EYS: variants seen among roughly 807,000 people sequenced by gnomAD.
The protein encoded by EYS is EGF-like photoreceptor maintenance factor.
A neutral mutation model predicts 282.1 loss-of-function variants in EYS; 250 were observed. That is an observed-to-expected ratio of 0.89 (90% CI 0.80 to 0.98). The LOEUF is 0.98. Ranked by LOEUF, EYS falls within the 50% of genes least tolerant of loss-of-function variation. The pLI, the probability that EYS is intolerant of heterozygous loss-of-function variation, is 0.00. For synonymous variants in EYS, 1,355 were observed against 1,282.9 expected (o/e 1.06, Z -1.20); for missense variants, 4,016 against 3,709.0 (o/e 1.08, Z -2.15).
At chr6:65,040,634 T>C (rs935651353) in intron 13 of EYS, among the ~76,000 whole-genome samples, 6 of 151,654 alleles carry the variant, frequency 4.0e-5, no homozygotes, top group Non-Finnish European at 7.4e-5. Context: ...GATGCCTCTT[T>C]TATTCCTCCA....
At chr6:65,407,709 G>A (rs1220975900) in intron 5 of EYS, among the ~76,000 whole-genome samples, 1 of 151,306 alleles carries the variant, frequency 6.6e-6, no homozygotes, top group African/African-American at 2.4e-5. Flanking sequence ...TGTGAATAAA[G>A]ACAGTTTTAC....
At chr6:64,596,653 C>T (rs1766596289) in intron 24 of EYS, among the ~76,000 whole-genome samples, 2 of 152,044 alleles carry the variant, frequency 1.3e-5, no homozygotes, top group Non-Finnish European at 2.9e-5. Flanking sequence ...ACTGGATACT[C>T]ATATGAAGAA....
intron 14 of EYS, among the ~76,000 whole-genome samples, chr6:64,976,849 G>A (rs1344825597): frequency 1.3e-5 from 2 of 151,504 alleles, no homozygotes; most frequent in Non-Finnish European, 2.9e-5. Flanking sequence ...GCAAAGGGAA[G>A]GTTTGTGGGA....
intron 29 of EYS, among the ~76,000 whole-genome samples, chr6:64,339,361 A>T (rs1252047550): frequency 6.6e-6 from 1 of 152,028 alleles, no homozygotes; most frequent in Non-Finnish European, 1.5e-5. Flanking sequence ...ATAAATGGCC[A>T]ACAAACATGA....
At chr6:63,880,730 C>A (rs1004158247) in intron 35 of EYS, among the ~76,000 whole-genome samples, 3 of 152,086 alleles carry the variant, frequency 2.0e-5, no homozygotes, top group East Asian at 1.9e-4. Flanking sequence ...CTTTTTTAAT[C>A]CTGAAAGGGG....
At chr6:64,003,270 A>G (rs972926319) in intron 33 of EYS, among the ~76,000 whole-genome samples, 2 of 151,508 alleles carry the variant, frequency 1.3e-5, no homozygotes. Context: ...GAACTCATGA[A>G]GATAGATAGA....
chr6:64,672,367 CT>C (rs1264948258), intron 22 of EYS, among the ~76,000 whole-genome samples: 2 of 152,182 alleles, frequency 1.3e-5, no homozygotes, highest in South Asian at 2.1e-4. Flanking sequence ...CTTTTTTCCC[CT>C]GTCATGAACT....
chr6:64,046,881 C>T (rs183181141), intron 33 of EYS, among the ~76,000 whole-genome samples: 74 of 152,282 alleles, frequency 4.9e-4, no homozygotes, highest in African/African-American at 1.8e-3. Flanking sequence ...TTTCCATTCT[C>T]TTTGAAGTTT....
At chr6:64,674,988 A>C (rs570779957) in intron 22 of EYS, among the ~76,000 whole-genome samples, 9 of 152,238 alleles carry the variant, frequency 5.9e-5, no homozygotes, top group African/African-American at 1.9e-4. Flanking sequence ...ACCTGACATC[A>C]TGCTGAAATT....
chr6:64,527,512 C>A (rs1777962838), intron 26 of EYS, among the ~76,000 whole-genome samples: 1 of 151,790 alleles, frequency 6.6e-6, no homozygotes, highest in South Asian at 2.1e-4. Flanking sequence ...TTATTGTTCA[C>A]ACGACTATCC....
chr6:64,445,695 C>G (rs2150472449), intron 26 of EYS, among the ~76,000 whole-genome samples: 1 of 152,266 alleles, frequency 6.6e-6, no homozygotes, highest in African/African-American at 2.4e-5. Context: ...ACTTGCTTTT[C>G]ACATGATTCC....
chr6:64,558,630 G>A (rs73767339), intron 26 of EYS, among the ~76,000 whole-genome samples: 4,604 of 152,122 alleles, frequency 0.03, 152 homozygotes, highest in East Asian at 0.11. Context: ...CTTTTATTGT[G>A]TATACACCAA....
intron 12 of EYS, among the ~76,000 whole-genome samples, chr6:65,147,277 T>C (rs1039802916): frequency 1.3e-5 from 2 of 151,996 alleles, no homozygotes; most frequent in Admixed American, 6.6e-5. Flanking sequence ...GAGGGATACA[T>C]GATTAAATAT....
At chr6:64,607,146 A>AT (rs1356891202) in intron 24 of EYS, among the ~76,000 whole-genome samples, 1 of 152,110 alleles carries the variant, frequency 6.6e-6, no homozygotes, top group Admixed American at 6.6e-5. Flanking sequence ...GGTTTTTATC[A>AT]TAAAAAACGC....
chr6:63,819,161 T>C (rs958732179), intron 36 of EYS, among the ~76,000 whole-genome samples: 1 of 152,176 alleles, frequency 6.6e-6, no homozygotes, highest in Non-Finnish European at 1.5e-5. Flanking sequence ...TGCCTGCCCA[T>C]AGGAGGCTCT....
Position 65,566,391 on chromosome 6 carries a change from GA to G in EYS, c.-332-70399del, listed in dbSNP as rs370489495. On this transcript the variant is annotated intron_variant, in intron 2 of 42. Coordinates refer to ENST00000503581, the MANE Select transcript of EYS (RefSeq NM_001142800.2). ...GGGAAGGATGAGGGGACAAGACCTC[GA>G]AAAAAAAAAGAACAGGAAATAACAA... 3.4e-3 allele frequency among the ~76,000 whole-genome samples: 502 copies of G among 146,494 alleles called. 4 individuals carry two copies. The highest frequency in any genetic ancestry group is 0.014 in the Middle Eastern group (4 of 284).
rs751705317 is a variant in EYS at position 64,590,466 on chromosome 6, C to T, written c.5401G>A (p.Ala1801Thr). The T allele has an allele frequency of 4.1e-5, 64 of 1,551,256 alleles. No homozygotes were observed. In the South Asian group the frequency reaches 7.3e-4, roughly 18 times the overall value. ...GAGGAAGACGTCTGTATTGAAAGTGCTGGAGTTGCTGAAACTGTATAAAAT... is the reference window on the plus strand; with the variant it reads ...GAGGAAGACGTCTGTATTGAAAGTGTTGGAGTTGCTGAAACTGTATAAAAT... ...VAFYTVSATP[A>T]LSIQTSSSMS... is the part of the protein sequence containing the mutation. The change falls in exon 26 of 43, where the codon GCA (alanine) becomes ACA (threonine). Residue 1801 changes from alanine (A) to threonine (T), a missense_variant. Coordinates refer to ENST00000503581, the MANE Select transcript of EYS (RefSeq NM_001142800.2).
chr6:64,289,526 A>C (rs1768624913), intron 30 of EYS, among the ~76,000 whole-genome samples: 1 of 152,048 alleles, frequency 6.6e-6, no homozygotes, highest in Non-Finnish European at 1.5e-5. Flanking sequence ...TTCAGATTCT[A>C]ACGGAGGAAG....
At chr6:64,537,977 T>C (rs1223488680) in intron 26 of EYS, among the ~76,000 whole-genome samples, 1 of 152,202 alleles carries the variant, frequency 6.6e-6, no homozygotes, top group Non-Finnish European at 1.5e-5. Context: ...AATATTGGCT[T>C]TAGCTACATA....
Sources: allele counts gnomAD v4.1 joint callset (sites outside exome capture counted in the v4.1 genomes callset), GRCh38; gene constraint gnomAD v4.1.1; transcripts MANE v1.5; gene names NCBI Gene and HGNC (gene_info 2026-07-23, HGNC 2026-07-21).